The following REDIC1 variants were observed in gnomAD, a reference collection of about 807,000 sequenced individuals.
The protein encoded by REDIC1 is regulator of DNA class I crossover intermediates 1.
chr12:39,769,044 C>CAAG, the REDIC1 span, among the ~76,000 whole-genome samples: 3 of 152,198 alleles, frequency 2.0e-5, no homozygotes, highest in South Asian at 6.2e-4. Flanking sequence ...TAACTTCTTT[C>CAAG]AACAACCACT....
chr12:39,703,788 T>C, the REDIC1 span, among the ~76,000 whole-genome samples: 4 of 152,256 alleles, frequency 2.6e-5, no homozygotes, highest in East Asian at 7.7e-4. Flanking sequence ...TATCTACAAC[T>C]ATCTGATCTT....
chr12:39,718,394 C>T, the REDIC1 span, among the ~76,000 whole-genome samples: 4 of 152,106 alleles, frequency 2.6e-5, no homozygotes, highest in Non-Finnish European at 5.9e-5. Flanking sequence ...CAGTCCCTTA[C>T]TGGCAAAGCA....
the REDIC1 span, among the ~76,000 whole-genome samples, chr12:39,841,064 C>T: frequency 4.6e-5 from 7 of 152,060 alleles, no homozygotes; most frequent in Non-Finnish European, 1.0e-4. Context: ...CCATCTGGAA[C>T]TCTGTAAAAG....
the REDIC1 span, among the ~76,000 whole-genome samples, chr12:39,743,566 G>C: frequency 6.6e-6 from 1 of 152,152 alleles, no homozygotes; most frequent in African/African-American, 2.4e-5. Flanking sequence ...CTGGGAATTT[G>C]AAACACTAGA....
At chr12:39,696,365 A>C in the REDIC1 span, among the ~76,000 whole-genome samples, 1 of 151,000 alleles carries the variant, frequency 6.6e-6, no homozygotes, top group Non-Finnish European at 1.5e-5. Flanking sequence ...AAAACGGTGA[A>C]ACCCCGTCTC....
chr12:39,687,751 A>G, the REDIC1 span, among the ~76,000 whole-genome samples: 1 of 152,252 alleles, frequency 6.6e-6, no homozygotes, highest in Non-Finnish European at 1.5e-5. Flanking sequence ...TATATTTGCC[A>G]TACTATTGAA....
chr12:39,746,727 G>T, the REDIC1 span, among the ~76,000 whole-genome samples: 1 of 152,204 alleles, frequency 6.6e-6, no homozygotes, highest in Admixed American at 6.5e-5. Context: ...CTGAGACGAA[G>T]CTTCCAGAGG....
chr12:39,895,725 C>T, the REDIC1 span, among the ~76,000 whole-genome samples: 1 of 108,934 alleles, frequency 9.2e-6, no homozygotes, highest in African/African-American at 3.4e-5. Context: ...TATGTATATG[C>T]GTGTATACGT....
the REDIC1 span, among the ~76,000 whole-genome samples, chr12:39,670,201 A>T: frequency 6.6e-6 from 1 of 151,708 alleles, no homozygotes; most frequent in Non-Finnish European, 1.5e-5. Context: ...TTATTTATTT[A>T]TTTTTTTGAG....
At chr12:39,852,798 G>T in the REDIC1 span, among the ~76,000 whole-genome samples, 2 of 152,182 alleles carry the variant, frequency 1.3e-5, no homozygotes, top group Non-Finnish European at 1.5e-5. Context: ...GATTGGTTGT[G>T]ACCTCGTCTT....
the REDIC1 span, among the ~76,000 whole-genome samples, chr12:39,896,519 T>A: frequency 0.43 from 60,191 of 139,908 alleles, 14,368 homozygotes; most frequent in Non-Finnish European, 0.52. Context: ...CATGTGTGTA[T>A]ACATGTATAC....
chr12:39,712,667 A>T, the REDIC1 span, among the ~76,000 whole-genome samples: 7 of 142,856 alleles, frequency 4.9e-5, no homozygotes, highest in Non-Finnish European at 9.2e-5. Context: ...ATGTATGTAT[A>T]CATGTGTATA....
chr12:39,792,391 A>T, the REDIC1 span, among the ~76,000 whole-genome samples: 1 of 152,062 alleles, frequency 6.6e-6, no homozygotes, highest in African/African-American at 2.4e-5. Context: ...TAATTAAACT[A>T]AAGAGCTTCT....
the REDIC1 span, among the ~76,000 whole-genome samples, chr12:39,816,247 C>G: frequency 6.6e-6 from 1 of 152,040 alleles, no homozygotes; most frequent in Non-Finnish European, 1.5e-5. Flanking sequence ...CAGCACATTT[C>G]TTCTACAAAC....
chr12:39,701,490 G>T, the REDIC1 span, among the ~76,000 whole-genome samples: 1 of 152,022 alleles, frequency 6.6e-6, no homozygotes, highest in Non-Finnish European at 1.5e-5. Context: ...ATTAATAATG[G>T]GAGACTTTAA....
At chr12:39,658,301 T>A in the REDIC1 span, among the ~76,000 whole-genome samples, 1 of 152,090 alleles carries the variant, frequency 6.6e-6, no homozygotes, top group East Asian at 1.9e-4. Flanking sequence ...GCCAGACTGG[T>A]CTCGAACTCC....
chr12:39,900,869 C>T, the REDIC1 span, among the ~76,000 whole-genome samples: 15 of 152,132 alleles, frequency 9.9e-5, no homozygotes, highest in Admixed American at 7.9e-4. Flanking sequence ...AAAAAAGATC[C>T]CGCATCGCCA....
At chr12:39,859,285 C>CAA in the REDIC1 span, among the ~76,000 whole-genome samples, 249 of 117,272 alleles carry the variant, frequency 2.1e-3, no homozygotes, top group African/African-American at 6.0e-3. Context: ...AAACAAAAAC[C>CAA]AAAAAAAAAG....
the REDIC1 span, among the ~76,000 whole-genome samples, chr12:39,896,628 C>A: frequency 9.9e-5 from 15 of 151,066 alleles, no homozygotes; most frequent in Non-Finnish European, 4.4e-5. Context: ...ATGTAAATTA[C>A]ATATAACTTC....
Sources: gnomAD v4.1 joint callset for allele counts (sites outside exome capture counted in the v4.1 genomes callset) on GRCh38, gnomAD v4.1.1 for gene constraint, MANE v1.5 for transcripts, NCBI Gene and HGNC (gene_info 2026-07-23, HGNC 2026-07-21) for gene names.